The following PRUNE2 variants were observed in gnomAD, a reference collection of about 807,000 sequenced individuals.
The protein encoded by PRUNE2 is protein prune homolog 2.
In PRUNE2, 164 loss-of-function variants were observed where a neutral mutation model predicts 252.0. The ratio of observed to expected loss-of-function variants is 0.65; its 90% CI spans 0.57 to 0.74. The LOEUF (loss-of-function observed/expected upper bound fraction) is 0.74, where lower values mean the gene tolerates loss of function less well. Ranked by LOEUF, PRUNE2 falls within the 30% of genes least tolerant of loss-of-function variation. The pLI, the probability that PRUNE2 is intolerant of heterozygous loss-of-function variation, is 0.00. For synonymous variants in PRUNE2, 1,292 were observed against 1,350.2 expected, an observed-to-expected ratio of 0.96 and a Z score of 0.94; for missense variants, 3,495 against 3,711.0, an observed-to-expected ratio of 0.94 and a Z score of 1.51.
rs9696524 is a variant in PRUNE2, at chr9:76,752,105, T to G, written c.757-38384A>C. ...TTCCTGTTTTTTTTTTGGTTTTTTT[T>G]TTTTTTTTTTGAGACGGAGTCTCAC... On this transcript the variant is annotated intron_variant, in intron 6 of 18. Transcript: ENST00000376718. Among the ~76,000 whole-genome samples the G allele has an allele frequency of 5.4e-3, 755 of 138,642 alleles. 17 individuals are homozygous for G. The highest frequency in any genetic ancestry group is 0.038 in the East Asian group (174 of 4,620). 91.0% of individuals were successfully genotyped at this position (138,642 alleles called of 152,430 possible).
At chr9:76,658,546 G>A (rs1850107129) in intron 9 of PRUNE2, among the ~76,000 whole-genome samples, 1 of 152,252 alleles carries the variant, frequency 6.6e-6, no homozygotes, top group Non-Finnish European at 1.5e-5. Flanking sequence ...AACAGCAGTT[G>A]TTGACTAAGC....
chr9:76,705,202 C>T lies in PRUNE2; in HGVS notation c.7072G>A (p.Gly2358Ser), dbSNP rs755714628. 6.2e-7 allele frequency: 1 copy of T among 1,613,970 alleles called. No homozygotes were observed. The highest frequency in any genetic ancestry group is 1.1e-5 in the South Asian group (1 of 91,072). The part of the protein sequence containing the change: ...SWGDFEYDVM[G>S]QNIDEDLLRE... ...AGTAAATCTTCATCGATATTCTGGC[C>T]CATTACATCATATTCAAAATCACCC... Residue 2358 changes from glycine to serine, a missense_variant, in exon 8 of 19, where the codon GGC (glycine) becomes AGC (serine). By Grantham distance (56) the Gly-to-Ser change is moderately conservative. Transcript: ENST00000376718.
chr9:76,749,737 G>A (rs2050448197), intron 6 of PRUNE2, among the ~76,000 whole-genome samples: 1 of 152,276 alleles, frequency 6.6e-6, no homozygotes, highest in Non-Finnish European at 1.5e-5. Flanking sequence ...TCAGAAGTCA[G>A]TACCCTCATT....
intron 4 of PRUNE2, among the ~76,000 whole-genome samples, chr9:76,830,617 A>G (rs1589447934): frequency 6.6e-6 from 1 of 151,556 alleles, no homozygotes; most frequent in East Asian, 1.9e-4. Flanking sequence ...ATGCCACTGC[A>G]CTCCAGCCTG....
intron 9 of PRUNE2, among the ~76,000 whole-genome samples, chr9:76,668,436 CA>C (rs1437030896): frequency 2.0e-5 from 3 of 152,174 alleles, no homozygotes; most frequent in Non-Finnish European, 4.4e-5. Flanking sequence ...TCCAGTTTCT[CA>C]TCTAAAAATT....
intron 4 of PRUNE2, among the ~76,000 whole-genome samples, chr9:76,838,434 C>T (rs1482109883): frequency 6.6e-6 from 1 of 151,836 alleles, no homozygotes; most frequent in Non-Finnish European, 1.5e-5. Context: ...CACTTGAGGC[C>T]AGGAGTTCAA....
chr9:76,625,573 A>AT (rs1227302994), intron 16 of PRUNE2, among the ~76,000 whole-genome samples: 6 of 152,248 alleles, frequency 3.9e-5, no homozygotes, highest in Non-Finnish European at 8.8e-5. Context: ...AATGTTTATA[A>AT]TTTATAAATA....
intron 1 of PRUNE2, among the ~76,000 whole-genome samples, chr9:76,861,465 C>T (rs1390940563): frequency 6.6e-6 from 1 of 152,156 alleles, no homozygotes; most frequent in Admixed American, 6.5e-5. Flanking sequence ...CTGTTCAGGC[C>T]GTGTGCATTT....
intron 2 of PRUNE2, 73 bp from the exon 3 acceptor site, chr9:76,850,738 T>TG: frequency 8.9e-7 from 1 of 1,118,806 alleles, no homozygotes; most frequent in Non-Finnish European, 1.3e-6. Flanking sequence ...TTCTCCAGCC[T>TG]GGGGGTAACT....
chr9:76,723,847 G>A (rs2047856199), intron 6 of PRUNE2, among the ~76,000 whole-genome samples: 1 of 144,004 alleles, frequency 6.9e-6, no homozygotes, highest in African/African-American at 2.6e-5. Flanking sequence ...TCGCTCTGTC[G>A]CCCAGGCTGG....
intron 1 of PRUNE2, among the ~76,000 whole-genome samples, chr9:76,889,092 C>G (rs1014347119): frequency 3.3e-5 from 5 of 152,164 alleles, no homozygotes; most frequent in African/African-American, 9.6e-5. Flanking sequence ...CTCAGGTGAT[C>G]CACCCACCTC....
intron 2 of PRUNE2, among the ~76,000 whole-genome samples, chr9:76,850,929 T>C (rs906567689): frequency 1.3e-5 from 2 of 152,072 alleles, no homozygotes; most frequent in Non-Finnish European, 2.9e-5. Context: ...CCCTGCACCA[T>C]TTGTATATAT....
chr9:76,798,268 T>A (rs575244202), intron 6 of PRUNE2, among the ~76,000 whole-genome samples: 5 of 152,304 alleles, frequency 3.3e-5, no homozygotes, highest in African/African-American at 1.2e-4. Context: ...AAACTCAATA[T>A]CCATTAAATA....
At chr9:76,695,397 CA>C (rs2045290376) in intron 9 of PRUNE2, among the ~76,000 whole-genome samples, 1 of 152,072 alleles carries the variant, frequency 6.6e-6, no homozygotes, top group Non-Finnish European at 1.5e-5. Context: ...AACAGATGAC[CA>C]AGAAGGAAAA....
chr9:76,687,115 G>A (rs1039915296), intron 9 of PRUNE2, among the ~76,000 whole-genome samples: 1 of 152,188 alleles, frequency 6.6e-6, no homozygotes, highest in Non-Finnish European at 1.5e-5. Context: ...GCCCGGGAAT[G>A]AGGCTCAACT....
chr9:76,759,601 C>T (rs182291966), intron 6 of PRUNE2: 21 of 152,326 alleles, frequency 1.4e-4, no homozygotes, highest in African/African-American at 5.1e-4. Flanking sequence ...ATCATCTTCC[C>T]ACTCCATTCC....
chr9:76,843,188 C>T (rs11999230), intron 4 of PRUNE2, among the ~76,000 whole-genome samples: 328 of 152,258 alleles, frequency 2.2e-3, no homozygotes, highest in African/African-American at 7.7e-3. Context: ...ACTGATGAGG[C>T]TGGAAACCAC....
At chr9:76,685,632 TGGGGAGAA>T (rs1332319663) in intron 9 of PRUNE2, among the ~76,000 whole-genome samples, 2 of 152,090 alleles carry the variant, frequency 1.3e-5, no homozygotes, top group Admixed American at 6.5e-5. Flanking sequence ...CCAGAAGACA[TGGGGAGAA>T]GACAGCCATA....
At chr9:76,714,806 G>A (rs916722444) in intron 6 of PRUNE2, among the ~76,000 whole-genome samples, 1 of 152,160 alleles carries the variant, frequency 6.6e-6, no homozygotes, top group African/African-American at 2.4e-5. Flanking sequence ...ATAATGCCTG[G>A]CATATACTAG....
Sources: gnomAD v4.1 joint callset for allele counts (sites outside exome capture counted in the v4.1 genomes callset) on GRCh38, gnomAD v4.1.1 for gene constraint, MANE v1.5 for transcripts, NCBI Gene and HGNC (gene_info 2026-07-23, HGNC 2026-07-21) for gene names.